DAPL1: variants seen among roughly 807,000 people sequenced by gnomAD.
DAPL1 encodes the protein death-associated protein-like 1.
A neutral mutation model predicts 12.9 loss-of-function variants in DAPL1; 17 were observed. The ratio of observed to expected loss-of-function variants is 1.32; its 90% confidence interval spans 0.90 to 1.98. The LOEUF is 1.98. Ranked by LOEUF, DAPL1 falls within the 30% of genes most tolerant of loss-of-function variation. The pLI is 0.00. For synonymous variants in DAPL1, 51 were observed against 42.0 expected, an observed-to-expected ratio of 1.21 and a Z score of -0.82; for missense variants, 157 against 125.7, an observed-to-expected ratio of 1.25 and a Z score of -1.19.
intron 3 of DAPL1, among the ~76,000 whole-genome samples, chr2:158,810,155 C>A (rs1389450651): frequency 6.6e-6 from 1 of 152,070 alleles, no homozygotes; most frequent in Admixed American, 6.5e-5. Context: ...ACAGAATAGC[C>A]ATGCTGCATA....
intron 1 of DAPL1, among the ~76,000 whole-genome samples, chr2:158,795,763 G>T (rs569992265): frequency 2.0e-5 from 3 of 150,874 alleles, no homozygotes; most frequent in Non-Finnish European, 4.4e-5. Flanking sequence ...GATTAGCAGT[G>T]ACACATCTAC....
At chr2:158,814,256 G>A (rs1437329740) in intron 3 of DAPL1, among the ~76,000 whole-genome samples, 2 of 152,036 alleles carry the variant, frequency 1.3e-5, no homozygotes, top group Non-Finnish European at 2.9e-5. Flanking sequence ...ATTGTAAAAT[G>A]CATGTCATAT....
In DAPL1 at chr2:158,805,838, A is replaced by G. The variant is rs538641927; in HGVS notation, c.147-1217A>G. Among the ~76,000 whole-genome samples the G allele has an allele frequency of 8.7e-5, 13 of 148,942 alleles. 1 individual carries two copies. Among genetic ancestry groups the G allele is most frequent in the African/African-American group, 3.2e-4 (13 of 41,078 alleles). On this transcript the variant is annotated intron_variant, in intron 2 of 3. Coordinates refer to ENST00000309950, the MANE Select transcript of DAPL1 (RefSeq NM_001017920.3). The stretch of plus-strand genomic sequence containing the variant: ...AATTGGACTTTTACAGAACTTAAAC[A>G]GCAAAAGATAGCTCTTGCCCTAAGT...
chr2:158,812,701 A>C (rs2059237315), intron 3 of DAPL1, among the ~76,000 whole-genome samples: 1 of 151,986 alleles, frequency 6.6e-6, no homozygotes, highest in African/African-American at 2.4e-5. Context: ...AGGCTGAGGC[A>C]AGAGGACCAC....
intron 1 of DAPL1, among the ~76,000 whole-genome samples, chr2:158,795,937 TG>T (rs1312887095): frequency 6.6e-6 from 1 of 152,170 alleles, no homozygotes; most frequent in Non-Finnish European, 1.5e-5. Context: ...CCTCAGGCTT[TG>T]GGGATGTATT....
At chr2:158,814,372 G>T (rs557681558) in intron 3 of DAPL1, among the ~76,000 whole-genome samples, 1 of 151,940 alleles carries the variant, frequency 6.6e-6, no homozygotes, top group East Asian at 1.9e-4. Context: ...TTTCCATTCT[G>T]CTAGAATGTT....
At position 158,805,746 on chromosome 2, in the gene DAPL1, T is replaced by G. The variant is rs2059197410; in HGVS notation, c.147-1309T>G. Among the ~76,000 whole-genome samples the G allele has an allele frequency of 2.7e-5, 4 of 148,192 alleles. No individual in the cohort carries two copies. The South Asian group carries it at 8.4e-4, about 31-fold the overall frequency. On this transcript the variant is annotated intron_variant, in intron 2 of 3. Coordinates refer to ENST00000309950, the MANE Select transcript of DAPL1 (RefSeq NM_001017920.3). Reference sequence around the variant, plus strand: ...GCAGGCAGGGGAGTTGGCTAGAGAGTAATAAGATGGTGATTGGAATCTTCT... The same window carrying G: ...GCAGGCAGGGGAGTTGGCTAGAGAGGAATAAGATGGTGATTGGAATCTTCT...
intron 3 of DAPL1, among the ~76,000 whole-genome samples, chr2:158,809,688 T>A (rs1476616317): frequency 6.6e-6 from 1 of 152,176 alleles, no homozygotes; most frequent in Non-Finnish European, 1.5e-5. Flanking sequence ...CTAGGATACT[T>A]AGCCCTCAGC....
chr2:158,811,802 A>G (rs1256255197), intron 3 of DAPL1, among the ~76,000 whole-genome samples: 1 of 152,232 alleles, frequency 6.6e-6, no homozygotes, highest in Non-Finnish European at 1.5e-5. Context: ...ACAAAGACTA[A>G]TGATGAAAAT....
chr2:158,804,733 T>G (rs1291374080), intron 2 of DAPL1, among the ~76,000 whole-genome samples: 34 of 152,278 alleles, frequency 2.2e-4, no homozygotes, highest in Admixed American at 2.2e-3. Flanking sequence ...AGGCTGGCCC[T>G]GTTTTCATAA....
intron 1 of DAPL1, among the ~76,000 whole-genome samples, chr2:158,800,726 A>T (rs1475031395): frequency 1.3e-5 from 2 of 152,134 alleles, no homozygotes; most frequent in African/African-American, 4.8e-5. Context: ...ATCTTACTAG[A>T]TTCCCTAGTT....
intron 1 of DAPL1, among the ~76,000 whole-genome samples, chr2:158,801,756 A>G (rs1235421590): frequency 6.6e-6 from 1 of 152,312 alleles, no homozygotes; most frequent in East Asian, 1.9e-4. Context: ...TACAAAACCC[A>G]TAAGAGATTG....
chr2:158,814,812 G>A lies in DAPL1; in HGVS notation c.208-893G>A, dbSNP rs150951099. On this transcript the variant is annotated intron_variant, in intron 3 of 3. Coordinates refer to ENST00000309950, the MANE Select transcript of DAPL1 (RefSeq NM_001017920.3). ...AATAGTGATAAGTTAAATTCCTACTGAGCTGAGGCATTCCTTCCTTGCTGG... is the reference window on the plus strand; with the variant it reads ...AATAGTGATAAGTTAAATTCCTACTAAGCTGAGGCATTCCTTCCTTGCTGG... Among the ~76,000 whole-genome samples the A allele has an allele frequency of 5.9e-4, 90 of 152,258 alleles. No individual in the cohort carries two copies. In the East Asian group the frequency reaches 8.7e-3, roughly 15 times the overall value.
At chr2:158,813,863 T>C (rs897590015) in intron 3 of DAPL1, among the ~76,000 whole-genome samples, 23 of 152,258 alleles carry the variant, frequency 1.5e-4, no homozygotes, top group African/African-American at 5.5e-4. Context: ...CCTCCTTTCC[T>C]TTTTCTTTTC....
chr2:158,803,385 A>T (rs536915787), intron 1 of DAPL1, among the ~76,000 whole-genome samples: 1 of 152,354 alleles, frequency 6.6e-6, no homozygotes, highest in East Asian at 1.9e-4. Context: ...TTTATTTTTC[A>T]CTTTATTGGA....
At chr2:158,796,567 G>A (rs2059135563) in intron 1 of DAPL1, among the ~76,000 whole-genome samples, 1 of 152,066 alleles carries the variant, frequency 6.6e-6, no homozygotes. Context: ...CTAATAGTCA[G>A]GAAGTATATA....
intron 3 of DAPL1, among the ~76,000 whole-genome samples, chr2:158,813,797 C>T (rs969844049): frequency 2.6e-5 from 4 of 152,148 alleles, no homozygotes; most frequent in East Asian, 1.9e-4. Context: ...CCTCATGATC[C>T]GCCCGCCTTG....
chr2:158,796,361 G>A (rs2059134567), intron 1 of DAPL1, among the ~76,000 whole-genome samples: 1 of 152,188 alleles, frequency 6.6e-6, no homozygotes. Flanking sequence ...TTCACAGAGA[G>A]TCAAAATGTA....
At chr2:158,813,776 C>T (rs565596742) in intron 3 of DAPL1, among the ~76,000 whole-genome samples, 5 of 152,220 alleles carry the variant, frequency 3.3e-5, no homozygotes, top group Non-Finnish European at 7.4e-5. Context: ...AGGATGGTCT[C>T]GATCGCCTGA....
Sources: gnomAD v4.1 joint callset for allele counts (sites outside exome capture counted in the v4.1 genomes callset) on GRCh38, gnomAD v4.1.1 for gene constraint, MANE v1.5 for transcripts, NCBI Gene and HGNC (gene_info 2026-07-23, HGNC 2026-07-21) for gene names.